The following DNAH2 variants were observed in gnomAD, a reference collection of about 807,000 sequenced individuals.
DNAH2 encodes axonemal beta dynein heavy chain 2.
In DNAH2, 323 loss-of-function variants were observed where a neutral mutation model predicts 523.5. The ratio of observed to expected loss-of-function variants is 0.62; its 90% CI spans 0.56 to 0.68. The LOEUF is 0.68. Ranked by LOEUF, DNAH2 falls within the 30% of genes least tolerant of loss-of-function variation. The pLI is 0.00. For missense variants in DNAH2, 4,907 were observed against 5,701.5 expected (o/e 0.86, Z 4.49); for synonymous variants, 2,093 against 2,177.4 (o/e 0.96, Z 1.08).
Position 7,734,837 on chromosome 17 carries a change from G to A in DNAH2, c.978+129G>A, listed in dbSNP as rs1014420667. On this transcript the variant is annotated intron_variant, in intron 7 of 85. Coordinates refer to ENST00000572933, the MANE Select transcript of DNAH2 (RefSeq NM_020877.5). ...GCACAGACTGACCCACCCAGGGTTC[G>A]GCCTTGTACTTGCAGGAGAGTATAA... The A allele has an allele frequency of 2.5e-5, 22 of 891,116 alleles. No homozygotes were observed. The East Asian group carries it at 2.9e-4, about 12-fold the overall frequency. The allele number at this position is 891,116 out of a possible 1,614,324, so 55.2% of individuals were successfully genotyped here. A position where few individuals can be genotyped will look rare whatever the true frequency, so the allele number is the denominator to read the frequency against.
intron 20 of DNAH2, among the ~76,000 whole-genome samples, chr17:7,765,008 C>T (rs2076122112): frequency 6.6e-6 from 1 of 151,888 alleles, no homozygotes; most frequent in Admixed American, 6.6e-5. Flanking sequence ...ATCCTCCCAC[C>T]TTGGCCTCCC....
At chr17:7,819,440 G>A (rs367800550) in intron 72 of DNAH2, 32 bp downstream of exon 72, 31 of 1,612,570 alleles carry the variant, frequency 1.9e-5, no homozygotes, top group Middle Eastern at 1.7e-4. Flanking sequence ...GCCCCAGCCC[G>A]GAGGCCGAGT....
Position 7,777,513 on chromosome 17 carries a change from T to C in DNAH2, c.5126T>C (p.Ile1709Thr), listed in dbSNP as rs201995726. 710 of 1,614,106 alleles carry C rather than the reference T, an allele frequency of 4.4e-4. 1 individual carries two copies. The highest frequency in any genetic ancestry group is 5.7e-4 in the Non-Finnish European group (672 of 1,180,030). ...GNLTKIMRLK[I>T]VALVTIEIHA... is the part of the protein sequence containing the mutation. Reference sequence around the variant, plus strand: ...TTGACCAAGATCATGCGGCTTAAAATTGTGGCTCTGGTGACGATAGAAATT... The same window carrying C: ...TTGACCAAGATCATGCGGCTTAAAACTGTGGCTCTGGTGACGATAGAAATT... Residue 1709 changes from isoleucine to threonine, a missense_variant, in exon 33 of 86, where the codon ATT (isoleucine) becomes ACT (threonine). Physicochemically the swap from Ile to Thr is moderately conservative, Grantham distance 89. Transcript: ENST00000572933.
intron 30 of DNAH2, among the ~76,000 whole-genome samples, chr17:7,775,699 A>G (rs1277327383): frequency 1.3e-5 from 1 of 78,104 alleles, no homozygotes; most frequent in Non-Finnish European, 4.1e-5. Flanking sequence ...ACCAAAAAAA[A>G]AAAAAGAAAA....
At position 7,833,101 on chromosome 17, in the gene DNAH2, G is replaced by T; in HGVS notation, c.13009G>T (p.Glu4337Ter). The change falls in exon 85 of 86, where the codon GAA (glutamate) becomes TAA (stop). Residue 4337 changes from glutamate (E) to a stop codon, truncating the protein, a stop_gained. Transcript: ENST00000572933. LOFTEE classifies it high-confidence loss of function. ...TGTCTGGGTCCGGGGCCTGTACCTG[G>T]AAGGTGCTGGCTGGGACCGGAAGAA... The part of the protein sequence containing the change: ...DGVWVRGLYL[E>*]GAGWDRKNSC... The T allele has an allele frequency of 6.2e-7, 1 of 1,613,126 alleles. No homozygotes were observed. The highest frequency in any genetic ancestry group is 8.5e-7 in the Non-Finnish European group (1 of 1,179,958).
intron 74 of DNAH2, 60 bp downstream of exon 74, chr17:7,823,688 G>C: frequency 1.9e-6 from 3 of 1,591,194 alleles, no homozygotes; most frequent in Non-Finnish European, 2.6e-6. Context: ...GCCACATGCC[G>C]GCCCTTCCCA....
At chr17:7,817,505 C>T (rs1433887340) in intron 65 of DNAH2, 56 bp from the exon 66 acceptor site, 38 of 1,613,438 alleles carry the variant, frequency 2.4e-5, no homozygotes, top group Middle Eastern at 1.6e-4. Context: ...CGTGAAGGCG[C>T]GGGGGCTGCT....
chr17:7,804,190 C>T, intron 58 of DNAH2, 66 bp from the exon 59 acceptor site: 1 of 1,542,000 alleles, frequency 6.5e-7, no homozygotes, highest in Non-Finnish European at 8.9e-7. Flanking sequence ...GGAAGGTGGA[C>T]CTTACAGGAC....
At chr17:7,801,468 G>A in intron 56 of DNAH2, 110 bp from the exon 57 acceptor site, 1 of 1,478,962 alleles carries the variant, frequency 6.8e-7, no homozygotes, top group Non-Finnish European at 9.3e-7. Context: ...AGGAGCAAGG[G>A]GATGGGGCAT....
chr17:7,798,797 A>C lies in DNAH2; in HGVS notation c.8559+79A>C. On this transcript the variant is annotated intron_variant, in intron 55 of 85. Coordinates refer to ENST00000572933, the MANE Select transcript of DNAH2 (RefSeq NM_020877.5). This position sits in a 1 kb window ranked among gnomAD's most constrained non-coding sequence, Gnocchi z 5.5. Reference sequence around the variant, plus strand: ...CCCCAGAAGGACCACAGCTCCCAGAATGTGCCACTGGCACACCCCCACTGC... The same window carrying C: ...CCCCAGAAGGACCACAGCTCCCAGACTGTGCCACTGGCACACCCCCACTGC... The C allele has an allele frequency of 1.3e-6, 2 of 1,529,402 alleles. No individual in the cohort carries two copies. Among genetic ancestry groups the C allele is most frequent in the Non-Finnish European group, 1.8e-6 (2 of 1,130,930 alleles). The allele number at this position is 1,529,402 out of a possible 1,614,324, so 94.7% of individuals were successfully genotyped here.
At chr17:7,765,052 C>A (rs2076124138) in intron 20 of DNAH2, among the ~76,000 whole-genome samples, 1 of 152,156 alleles carries the variant, frequency 6.6e-6, no homozygotes, top group South Asian at 2.1e-4. Flanking sequence ...AGCCACCACA[C>A]CCGGCCAGGG....
intron 3 of DNAH2, among the ~76,000 whole-genome samples, chr17:7,724,741 A>T (rs375913663): frequency 4.1e-4 from 28 of 68,560 alleles, no homozygotes; most frequent in South Asian, 1.3e-3. Flanking sequence ...ATCATATGTT[A>T]CTTTTTTTTT....
At chr17:7,773,229 G>A (rs189566481) in intron 28 of DNAH2, among the ~76,000 whole-genome samples, 18 of 152,284 alleles carry the variant, frequency 1.2e-4, no homozygotes, top group Admixed American at 1.1e-3. Context: ...ATGACATGAA[G>A]GACATTGGCA....
At position 7,823,384 on chromosome 17, in the gene DNAH2, A is replaced by C. The variant is rs577249112; in HGVS notation, c.11143-58A>C. ...GAGAGAGAGAGAGGAGAAAAAGATC[A>C]CTCTTCTTTTGAAGTATTCCCAAGT... On this transcript the variant is annotated intron_variant, in intron 73 of 85. Coordinates refer to ENST00000572933, the MANE Select transcript of DNAH2 (RefSeq NM_020877.5). The C allele has an allele frequency of 7.1e-5, 107 of 1,505,706 alleles. No homozygotes were observed. The South Asian group carries it at 1.2e-3, about 17-fold the overall frequency. The allele number at this position is 1,505,706 out of a possible 1,614,324, so 93.3% of individuals were successfully genotyped here.
Position 7,786,395 on chromosome 17 carries a change from A to G in DNAH2, c.6348+53A>G. 6.3e-7 allele frequency: 1 copy of G among 1,579,238 alleles called. No individual in the cohort carries two copies. Among genetic ancestry groups the G allele is most frequent in the Non-Finnish European group, 8.6e-7 (1 of 1,162,740 alleles). On this transcript the variant is annotated intron_variant, in intron 40 of 85. Transcript: ENST00000572933. This position sits in a 1 kb window ranked among gnomAD's most constrained non-coding sequence, Gnocchi z 7.5. ...GGGCAGAGACTTGAGTAGTAAGAAG[A>G]CAATGGAGGGTGGGGGCCAGGGAGG...
chr17:7,807,080 G>A lies in DNAH2; in HGVS notation c.9443-70G>A. ...AAAATGTGGCTATGCGTGAGTAGTGGAGGTGAAACTGCTGGACAAGGAGGA... is the reference window on the plus strand; with the variant it reads ...AAAATGTGGCTATGCGTGAGTAGTGAAGGTGAAACTGCTGGACAAGGAGGA... On this transcript the variant is annotated intron_variant, in intron 61 of 85. Transcript: ENST00000572933. This position sits in a 1 kb window ranked among gnomAD's most constrained non-coding sequence, Gnocchi z 5.6. 1 of 1,545,964 alleles carries A rather than the reference G, an allele frequency of 6.5e-7. No individual in the cohort carries two copies. The highest frequency in any genetic ancestry group is 8.7e-7 in the Non-Finnish European group (1 of 1,147,496).
intron 63 of DNAH2, among the ~76,000 whole-genome samples, chr17:7,813,656 C>T (rs2077580353): frequency 1.3e-5 from 2 of 152,126 alleles, no homozygotes; most frequent in African/African-American, 4.8e-5. Flanking sequence ...GCCTGTAATT[C>T]CAGCACTTTG....
In DNAH2 at chr17:7,780,244, C is replaced by T; in HGVS notation, c.5810C>T (p.Ala1937Val). The change falls in exon 37 of 86, where the codon GCA becomes GTA. Residue 1937 changes from alanine to valine, a missense_variant. By Grantham distance (64) the Ala-to-Val change is moderately conservative. Around this residue, in one of 3 missense-constraint regions of DNAH2, gnomAD observed 2,806 missense variants for 3,190.8 expected, o/e 0.88. Transcript: ENST00000572933. The surrounding 1 kb of genome is among the most constrained non-coding windows in gnomAD (Gnocchi z 4.4). ...AMVVPDSTLI[A>V]EIILFGEGFG... Reference sequence around the variant, plus strand: ...GTGGTGCCTGACTCCACCCTCATTGCAGAAATCATTCTCTTTGGAGAGGGC... The same window carrying T: ...GTGGTGCCTGACTCCACCCTCATTGTAGAAATCATTCTCTTTGGAGAGGGC... 5 of 1,614,154 alleles carry T rather than the reference C, an allele frequency of 3.1e-6. No individual in the cohort carries two copies. The highest frequency in any genetic ancestry group is 4.2e-6 in the Non-Finnish European group (5 of 1,180,022).
intron 2 of DNAH2, among the ~76,000 whole-genome samples, chr17:7,722,194 G>C (rs997167562): frequency 1.3e-3 from 193 of 151,330 alleles, no homozygotes; most frequent in African/African-American, 3.8e-3. Flanking sequence ...AGACGGGGGG[G>C]GGGGTTCACC....
Sources: gnomAD v4.1 joint callset for allele counts (sites outside exome capture counted in the v4.1 genomes callset) on GRCh38, gnomAD v4.1.1 for gene constraint, gnomAD v4.1.1 regional missense constraint, Gnocchi (gnomAD v3.1) non-coding constraint, MANE v1.5 for transcripts, NCBI Gene and HGNC (gene_info 2026-07-23, HGNC 2026-07-21) for gene names.